TOGARAM1: variants seen among roughly 807,000 people sequenced by gnomAD.
TOGARAM1 encodes the protein TOG array regulator of axonemal microtubules protein 1.
Under a neutral mutation model 166.6 loss-of-function variants are expected in TOGARAM1, and 100 were observed. That is an observed-to-expected ratio of 0.60 (90% confidence interval 0.51 to 0.71). The LOEUF (loss-of-function observed/expected upper bound fraction) is 0.71, where lower values mean the gene tolerates loss of function less well. TOGARAM1 is among the 30% of genes least tolerant of loss of function. TOGARAM1 has a pLI of 0.00. For synonymous variants in TOGARAM1, 758 were observed against 763.8 expected, an observed-to-expected ratio of 0.99 and a Z score of 0.13; for missense variants, 2,029 against 2,102.7, an observed-to-expected ratio of 0.96 and a Z score of 0.69.
At chr14:45,032,448 T>A in intron 11 of TOGARAM1, 72 bp downstream of exon 11, 1 of 1,338,728 alleles carries the variant, frequency 7.5e-7, no homozygotes, top group Non-Finnish European at 1.0e-6. Context: ...ATTAAAAATC[T>A]TGAAACACAT....
rs116850865 is a variant in TOGARAM1, at chr14:45,033,824, C to G, written c.3812+1448C>G. 1.1e-4 allele frequency among the ~76,000 whole-genome samples: 17 copies of G among 152,300 alleles called. No homozygotes were observed. In the East Asian group the frequency reaches 2.9e-3, roughly 26 times the overall value. On this transcript the variant is annotated intron_variant, in intron 11 of 19. Coordinates refer to ENST00000361462, the MANE Select transcript of TOGARAM1 (RefSeq NM_001308120.2). ...GGATTAACAGGACTGTATTTGCCCT[C>G]ATAACGTGAAAGATCTAACAAAATT...
At chr14:45,002,105 A>G in intron 3 of TOGARAM1, among the ~76,000 whole-genome samples, 1 of 152,206 alleles carries the variant, frequency 6.6e-6, no homozygotes, top group East Asian at 1.9e-4. Context: ...ATTTAGCACT[A>G]ACATTTTAAC....
chr14:45,001,225 T>G (rs538122342), intron 3 of TOGARAM1, among the ~76,000 whole-genome samples: 1 of 152,342 alleles, frequency 6.6e-6, no homozygotes, highest in African/African-American at 2.4e-5. Flanking sequence ...GCACTAGACC[T>G]CTACCTTTCA....
intron 14 of TOGARAM1, among the ~76,000 whole-genome samples, 159 bp downstream of exon 14, chr14:45,046,862 T>C (rs184007853): frequency 6.6e-6 from 1 of 152,240 alleles, no homozygotes; most frequent in East Asian, 1.9e-4. Flanking sequence ...TTTGTAAATA[T>C]TCTTGAGGGA....
chr14:44,969,179 T>TCTTTTTA (rs1885744872), intron 1 of TOGARAM1, among the ~76,000 whole-genome samples: 1 of 150,250 alleles, frequency 6.7e-6, no homozygotes, highest in African/African-American at 2.5e-5. Flanking sequence ...TTTCTTTTTT[T>TCTTTTTA]TTTTTTGTGA....
chr14:44,993,975 A>G (rs183415074), intron 1 of TOGARAM1, among the ~76,000 whole-genome samples: 1 of 152,382 alleles, frequency 6.6e-6, no homozygotes, highest in East Asian at 1.9e-4. Context: ...CTTTTAATAT[A>G]TCTAATCAGA....
Position 44,966,640 on chromosome 14 carries a change from G to A in TOGARAM1, c.2046+2173G>A, listed in dbSNP as rs543435204. On this transcript the variant is annotated intron_variant, in intron 1 of 19. Transcript: ENST00000361462. ...TTTTTAACTTTTTCATGATAAAATT[G>A]TCCCAAATTTAACTAGTGGCTGGCT... Among the ~76,000 whole-genome samples, 4 of 151,616 alleles carry A rather than the reference G, an allele frequency of 2.6e-5. No individual in the cohort carries two copies. The South Asian group carries it at 8.3e-4, about 32-fold the overall frequency.
Position 44,964,299 on chromosome 14 carries a change from T to C in TOGARAM1, c.1878T>C (p.Cys626=). 1 of 1,614,186 alleles carries C rather than the reference T, an allele frequency of 6.2e-7. No homozygotes were observed. Among genetic ancestry groups the C allele is most frequent in the Non-Finnish European group, 8.5e-7 (1 of 1,180,022 alleles). The change falls in exon 1 of 20, where the codon TGT becomes TGC. Residue 626 remains cysteine, a synonymous_variant. Coordinates refer to ENST00000361462, the MANE Select transcript of TOGARAM1 (RefSeq NM_001308120.2). The part of the protein sequence containing the change: ...GNRTQSAHCH[C]GDHVRDSMHI... ...GAACTCAGAGTGCACACTGTCACTG[T>C]GGTGACCACGTGAGGGATAGCATGC...
At chr14:44,996,966 A>T (rs1488115988) in intron 2 of TOGARAM1, 1 of 152,252 alleles carries the variant, frequency 6.6e-6, no homozygotes, top group African/African-American at 2.4e-5. Flanking sequence ...GGGATTACCA[A>T]TTCGACATGA....
intron 7 of TOGARAM1, among the ~76,000 whole-genome samples, chr14:45,020,558 C>CGGGGCTTA (rs1189816242): frequency 6.6e-6 from 1 of 152,104 alleles, no homozygotes; most frequent in Non-Finnish European, 1.5e-5. Flanking sequence ...TCTTTTGTTG[C>CGGGGCTTA]GGGGCTTAGG....
chr14:45,069,158 T>G (rs184227593), intron 18 of TOGARAM1, among the ~76,000 whole-genome samples: 1 of 152,032 alleles, frequency 6.6e-6, no homozygotes, highest in Admixed American at 6.6e-5. Flanking sequence ...CACCTGAGGT[T>G]GGGAGTTCAA....
chr14:44,971,672 A>G (rs980173729), intron 1 of TOGARAM1, among the ~76,000 whole-genome samples: 2 of 152,148 alleles, frequency 1.3e-5, no homozygotes, highest in African/African-American at 4.8e-5. Context: ...CTTTTCTAAT[A>G]TATGCCTTCA....
intron 11 of TOGARAM1, chr14:45,042,414 C>G (rs1181410432): frequency 1.3e-5 from 2 of 151,864 alleles, no homozygotes; most frequent in Non-Finnish European, 2.9e-5. Context: ...ATAAAAGGGT[C>G]TATGCATCAA....
At chr14:44,978,409 T>C (rs966895063) in intron 1 of TOGARAM1, 1 of 152,252 alleles carries the variant, frequency 6.6e-6, no homozygotes, top group Admixed American at 6.5e-5. Context: ...TTTTTGTGCC[T>C]AAATGTTTCT....
chr14:44,973,958 G>A (rs1353869249), intron 1 of TOGARAM1, among the ~76,000 whole-genome samples: 1 of 151,012 alleles, frequency 6.6e-6, no homozygotes, highest in South Asian at 2.1e-4. Context: ...CTTTATTTTT[G>A]ATTTTTTGTA....
Position 44,999,425 on chromosome 14 carries a change from A to G in TOGARAM1, c.2266A>G (p.Ile756Val). 8 of 1,611,822 alleles carry G rather than the reference A, an allele frequency of 5.0e-6. No homozygotes were observed. The highest frequency in any genetic ancestry group is 6.8e-6 in the Non-Finnish European group (8 of 1,178,628). Residue 756 changes from isoleucine to valine, a missense_variant, in exon 3 of 20, where the codon ATA becomes GTA. Ile to Val is a conservative substitution (Grantham distance 29). Around this residue, in one of 2 missense-constraint regions of TOGARAM1, gnomAD observed 1,453 missense variants for 1,432.2 expected, o/e 1.01. Transcript: ENST00000361462. Reference protein sequence around the residue: ...GKCAQLGFSQICGKTGSVGSD... With the variant: ...GKCAQLGFSQVCGKTGSVGSD... ...ATGTGCACAACTTGGATTTTCACAA[A>G]TATGTGGTAAAACTGGCAGTGTGGG... is the stretch of plus-strand genomic sequence containing the variant.
intron 14 of TOGARAM1, among the ~76,000 whole-genome samples, chr14:45,051,618 G>A (rs1349813214): frequency 1.4e-5 from 2 of 141,870 alleles, no homozygotes; most frequent in African/African-American, 5.5e-5. Flanking sequence ...GGAGTGCAAT[G>A]GTGTGATCTC....
chr14:45,001,896 TG>T (rs765631336), intron 3 of TOGARAM1, among the ~76,000 whole-genome samples: 19 of 152,198 alleles, frequency 1.2e-4, no homozygotes, highest in Admixed American at 6.5e-5. Context: ...GTCAGGAATT[TG>T]GGGGTTGAAG....
At chr14:44,998,613 A>G (rs563122808) in intron 2 of TOGARAM1, among the ~76,000 whole-genome samples, 2 of 152,328 alleles carry the variant, frequency 1.3e-5, no homozygotes, top group South Asian at 4.1e-4. Flanking sequence ...AGCCTGGGCA[A>G]TAAGAGTGAG....
Sources: allele counts gnomAD v4.1 joint callset (sites outside exome capture counted in the v4.1 genomes callset), GRCh38; gene constraint gnomAD v4.1.1; regional missense constraint gnomAD v4.1.1; transcripts MANE v1.5; gene names NCBI Gene and HGNC (gene_info 2026-07-23, HGNC 2026-07-21).